The following NCR1 variants were observed in gnomAD, a reference collection of about 807,000 sequenced individuals.
NCR1 encodes the protein natural cytotoxicity triggering receptor 1.
In NCR1, 30 loss-of-function variants were observed where a neutral mutation model predicts 32.5. That is an observed-to-expected ratio of 0.92 (90% CI 0.69 to 1.25). The LOEUF (loss-of-function observed/expected upper bound fraction) is 1.25. Among genes scored for constraint, NCR1 ranks in the 50% most tolerant of loss-of-function variants. NCR1 has a pLI of 0.00. For synonymous variants in NCR1, 169 were observed against 143.4 expected, an observed-to-expected ratio of 1.18 and a Z score of -1.28; for missense variants, 369 against 380.7, an observed-to-expected ratio of 0.97 and a Z score of 0.26.
At chr19:54,929,795 G>A in the NCR1 span, among the ~76,000 whole-genome samples, 3 of 152,192 alleles carry the variant, frequency 2.0e-5, no homozygotes, top group African/African-American at 2.4e-5. Context: ...AACTGGATCC[G>A]AAGTGATACA....
the NCR1 span, chr19:54,934,740 C>A: frequency 3.4e-6 from 4 of 1,167,086 alleles, no homozygotes; most frequent in East Asian, 2.6e-5. This position sits in a 1 kb window ranked among gnomAD's most constrained non-coding sequence, Gnocchi z 6.7. Context: ...GACAGAGTTT[C>A]ACTCTGTTGC....
chr19:54,906,050 G>A, upstream of NCR1: 3 of 1,029,170 alleles, frequency 2.9e-6, no homozygotes, highest in African/African-American at 1.6e-5. Flanking sequence ...AGTTGTGAAC[G>A]TTCTGATGAA....
chr19:54,917,830 C>G (rs116134667), downstream of NCR1, among the ~76,000 whole-genome samples: 1 of 152,334 alleles, frequency 6.6e-6, no homozygotes, highest in African/African-American at 2.4e-5. Context: ...CTGAGAAACA[C>G]TGGCTCATGC....
upstream of NCR1, among the ~76,000 whole-genome samples, chr19:54,902,041 G>A (rs747203464): frequency 5.9e-5 from 9 of 152,266 alleles, no homozygotes; most frequent in African/African-American, 2.2e-4. Context: ...ATATGTCACT[G>A]GTAAAACAAG....
chr19:54,912,394 C>T (rs549624874), intron 6 of NCR1, among the ~76,000 whole-genome samples, 176 bp downstream of exon 6: 8 of 151,804 alleles, frequency 5.3e-5, no homozygotes, highest in African/African-American at 7.2e-5. Context: ...GTCGGGAGTT[C>T]AAGACCAGTC....
At chr19:54,906,111 A>G (rs4806621), upstream of NCR1, 77,321 of 1,589,462 alleles carry the variant, frequency 0.049, 2,441 homozygotes, top group Admixed American at 0.14. Flanking sequence ...CTCACCCACC[A>G]CTTCCTGTGT....
chr19:54,930,621 T>A, the NCR1 span: 1 of 1,613,010 alleles, frequency 6.2e-7, no homozygotes, highest in Non-Finnish European at 8.5e-7. Context: ...GGAGCGCCTC[T>A]GAGAGATATC....
the NCR1 span, among the ~76,000 whole-genome samples, chr19:54,921,598 C>G: frequency 6.6e-6 from 1 of 151,946 alleles, no homozygotes; most frequent in African/African-American, 2.4e-5. Context: ...ATGGTGAAAC[C>G]TCGTCTTTAC....
the NCR1 span, among the ~76,000 whole-genome samples, chr19:54,937,671 G>A: frequency 0.021 from 3,208 of 152,158 alleles, 46 homozygotes; most frequent in Middle Eastern, 0.041. Context: ...GCCGAGGCAG[G>A]CAAATCACCT....
In NCR1 at chr19:54,907,781, T is replaced by C. The variant is rs1029180835; in HGVS notation, c.355+974T>C. 2.0e-5 allele frequency among the ~76,000 whole-genome samples: 3 copies of C among 152,206 alleles called. No individual in the cohort carries two copies. The South Asian group carries it at 6.2e-4, about 31-fold the overall frequency. ...ATGTCCATTCAAATATCTTCTTTTG[T>C]GAAATGTCTATTTAAATCTTTTGCC... On this transcript the variant is annotated intron_variant, in intron 3 of 6. Transcript: ENST00000291890.
chr19:54,909,655 G>C (rs1209442289), intron 4 of NCR1, 132 bp downstream of exon 4: 1 of 1,102,486 alleles, frequency 9.1e-7, no homozygotes, highest in Non-Finnish European at 1.3e-6. Flanking sequence ...GTCATGTGAG[G>C]AAGAACACCA....
chr19:54,938,060 G>A, the NCR1 span: 1 of 1,613,814 alleles, frequency 6.2e-7, no homozygotes, highest in Middle Eastern at 1.7e-4. Context: ...TTCTGCAGAT[G>A]ACAGGTGCTA....
At chr19:54,900,672 C>T in the NCR1 span, among the ~76,000 whole-genome samples, 4 of 152,098 alleles carry the variant, frequency 2.6e-5, no homozygotes, top group African/African-American at 7.2e-5. Flanking sequence ...TGACCCACTG[C>T]ACCTGGCCTT....
In NCR1 at chr19:54,909,398, AG is replaced by A; in HGVS notation, c.511del (p.Val171SerfsTer10). 6.2e-7 allele frequency: 1 copy of A among 1,614,046 alleles called. No individual in the cohort carries two copies. On this transcript the variant is annotated frameshift_variant, in exon 4 of 7. Coordinates refer to ENST00000291890, the MANE Select transcript of NCR1 (RefSeq NM_004829.7). LOFTEE classifies it high-confidence loss of function. ...AGCCACGTACAGCGCGGATACGGGA[AG>A]GTCCAGGCGGAGTTCCCCCTGGGCC... ...RSSHVQRGYG[K>X]VQAEFPLGPV... is the part of the protein sequence containing the mutation.
chr19:54,911,531 C>T (rs2067979376), intron 5 of NCR1, among the ~76,000 whole-genome samples: 1 of 152,122 alleles, frequency 6.6e-6, no homozygotes, highest in African/African-American at 2.4e-5. Context: ...GCGGCTGGAT[C>T]ACTTGAGGTC....
At chr19:54,913,346 G>T (rs1011532627), downstream of NCR1, among the ~76,000 whole-genome samples, 3 of 152,106 alleles carry the variant, frequency 2.0e-5, no homozygotes, top group South Asian at 6.2e-4. Context: ...AAGCCGCTGC[G>T]CCCAGCCACT....
At chr19:54,910,120 C>T (rs2067892927) in intron 5 of NCR1, 55 bp downstream of exon 5, 2 of 1,534,686 alleles carry the variant, frequency 1.3e-6, no homozygotes, top group Non-Finnish European at 1.8e-6. Flanking sequence ...CCCAGTGACA[C>T]TAAAAACGTG....
At chr19:54,905,067 T>C (rs1171475546), upstream of NCR1, among the ~76,000 whole-genome samples, 6 of 152,154 alleles carry the variant, frequency 3.9e-5, no homozygotes, top group African/African-American at 1.2e-4. Context: ...GTCTTTTTGG[T>C]AGAATGATTT....
chr19:54,903,522 G>A (rs953576758), upstream of NCR1, among the ~76,000 whole-genome samples: 60 of 130,512 alleles, frequency 4.6e-4, 2 homozygotes, highest in African/African-American at 1.5e-3. Context: ...ATACATGTGT[G>A]TATACATATA....
Sources: allele counts gnomAD v4.1 joint callset (sites outside exome capture counted in the v4.1 genomes callset), GRCh38; gene constraint gnomAD v4.1.1; non-coding constraint Gnocchi (gnomAD v3.1); transcripts MANE v1.5; gene names NCBI Gene and HGNC (gene_info 2026-07-23, HGNC 2026-07-21).